The following MMP2 variants were observed in gnomAD, a reference collection of about 807,000 sequenced individuals.
The protein encoded by MMP2 is matrix metallopeptidase 2, also known as 72 kDa type IV collagenase.
MMP2 carries 39 observed loss-of-function variants against 74.8 expected under a neutral mutation model. That is an observed-to-expected ratio of 0.52 (90% CI 0.40 to 0.68). The LOEUF (loss-of-function observed/expected upper bound fraction) is 0.68, where lower values mean the gene tolerates loss of function less well. MMP2 is among the 30% of genes least tolerant of loss of function. The pLI, the probability that MMP2 is intolerant of heterozygous loss-of-function variation, is 0.00. For synonymous variants in MMP2, 367 were observed against 339.8 expected, an observed-to-expected ratio of 1.08 and a Z score of -0.88; for missense variants, 803 against 878.3, an observed-to-expected ratio of 0.91 and a Z score of 1.08.
In MMP2 at chr16:55,502,852, G is replaced by A. The variant is rs1489885740; in HGVS notation, c.1843G>A (p.Asp615Asn). The A allele has an allele frequency of 1.2e-6, 2 of 1,614,002 alleles. No individual in the cohort carries two copies. Among genetic ancestry groups the A allele is most frequent in the Non-Finnish European group, 1.7e-6 (2 of 1,180,032 alleles). Reference sequence around the variant, plus strand: ...CGCAGATGCCTGGAATGCCATCCCCGATAACCTGGATGCCGTCGTGGACCT... The same window carrying A: ...CGCAGATGCCTGGAATGCCATCCCCAATAACCTGGATGCCGTCGTGGACCT... The part of the protein sequence containing the change: ...LIADAWNAIP[D>N]NLDAVVDLQG... Residue 615 changes from aspartate (D) to asparagine (N), a missense_variant, in exon 12 of 13, where the codon GAT becomes AAT. Physicochemically the swap from Asp to Asn is conservative, Grantham distance 23 (BLOSUM62 1). Coordinates refer to ENST00000219070, the MANE Select transcript of MMP2 (RefSeq NM_004530.6).
At position 55,497,020 on chromosome 16, in the gene MMP2, G is replaced by C. The variant is rs761833659; in HGVS notation, c.1567G>C (p.Val523Leu). ...WPELPEKIDA[V>L]YEAPQEEKAV... ...TGAGCTCCCGGAAAAGATTGATGCG[G>C]TATACGAGGCCCCACAGGAGGAGAA... is the stretch of plus-strand genomic sequence containing the variant. Residue 523 changes from valine to leucine, a missense_variant, in exon 10 of 13, where the codon GTA becomes CTA. Coordinates refer to ENST00000219070, the MANE Select transcript of MMP2 (RefSeq NM_004530.6). 1 of 1,614,070 alleles carries C rather than the reference G, an allele frequency of 6.2e-7. No individual in the cohort carries two copies. Among genetic ancestry groups the C allele is most frequent in the Non-Finnish European group, 8.5e-7 (1 of 1,180,056 alleles).
intron 3 of MMP2, 67 bp from the exon 4 acceptor site, chr16:55,485,232 T>C (rs1224328565): frequency 2.1e-4 from 334 of 1,602,460 alleles, no homozygotes; most frequent in Non-Finnish European, 2.8e-4. Flanking sequence ...CACATGTAGA[T>C]GGGGTGTGGA....
chr16:55,488,338 G>A lies in MMP2; in HGVS notation c.833-205G>A, dbSNP rs568803749. The stretch of plus-strand genomic sequence containing the variant: ...TGTTGGGTGGTCCACAAGGTCCCAC[G>A]GGAGGGATTGGGATAACCAGGGAAG... On this transcript the variant is annotated intron_variant, in intron 5 of 12. Coordinates refer to ENST00000219070, the MANE Select transcript of MMP2 (RefSeq NM_004530.6). 73 of 603,984 alleles carry A rather than the reference G, an allele frequency of 1.2e-4. 1 individual carries two copies. Among genetic ancestry groups the A allele is most frequent in the Non-Finnish European group, 1.7e-4 (56 of 337,508 alleles). 37.4% of individuals were successfully genotyped at this position (603,984 alleles called of 1,614,324 possible).
intron 11 of MMP2, among the ~76,000 whole-genome samples, chr16:55,500,424 A>G (rs1416517987): frequency 6.6e-6 from 1 of 151,860 alleles, no homozygotes. Context: ...CATGCACTGT[A>G]TCTATGTAAA....
chr16:55,501,381 G>A (rs1446568110), intron 11 of MMP2, among the ~76,000 whole-genome samples: 2 of 152,210 alleles, frequency 1.3e-5, no homozygotes, highest in South Asian at 2.1e-4. Context: ...TGTAAAATGG[G>A]CTTGACTTCT....
intron 6 of MMP2, chr16:55,488,924 A>G: frequency 1.6e-6 from 1 of 625,832 alleles, no homozygotes; most frequent in Non-Finnish European, 2.8e-6. Context: ...CAGAACAGAC[A>G]TTGGGCATCA....
Position 55,479,366 on chromosome 16 carries a change from G to A in MMP2, c.-114G>A, listed in dbSNP as rs552672554. 294 of 1,237,896 alleles carry A rather than the reference G, an allele frequency of 2.4e-4. No individual in the cohort carries two copies. The African/African-American group carries it at 4.2e-3, about 18-fold the overall frequency. 76.7% of individuals were successfully genotyped at this position (1,237,896 alleles called of 1,614,324 possible). ...GCAAACCCCAGGCCACCGAGCCAGC[G>A]GACCCTCGGAGCGCAGCCCTGCGCC... On this transcript the variant is annotated 5_prime_UTR_variant, in exon 1 of 13. Coordinates refer to ENST00000219070, the MANE Select transcript of MMP2 (RefSeq NM_004530.6).
chr16:55,488,070 T>G, intron 5 of MMP2: 1 of 217,548 alleles, frequency 4.6e-6, no homozygotes. Context: ...CATTCACTTC[T>G]TTCATTTCTG....
At chr16:55,492,254 AG>A (rs1482382978) in intron 8 of MMP2, among the ~76,000 whole-genome samples, 3 of 152,156 alleles carry the variant, frequency 2.0e-5, no homozygotes, top group Admixed American at 1.3e-4. Context: ...AAGGTTACAC[AG>A]GTTTGAGCAA....
At chr16:55,481,647 A>G (rs1179913226) in intron 1 of MMP2, 2 of 506,006 alleles carry the variant, frequency 4.0e-6, no homozygotes, top group East Asian at 3.2e-5. Flanking sequence ...GCCTGGTTTG[A>G]ACACCTCTGA....
Position 55,485,687 on chromosome 16 carries a change from A to G in MMP2, c.742A>G (p.Thr248Ala). 1 of 1,614,160 alleles carries G rather than the reference A, an allele frequency of 6.2e-7. No homozygotes were observed. The highest frequency in any genetic ancestry group is 8.5e-7 in the Non-Finnish European group (1 of 1,180,020). ...LFNGKEYNSC[T>A]DTGRSDGFLW... ...CAATGGCAAGGAGTACAACAGCTGC[A>G]CTGATACCGGCCGCAGCGATGGCTT... Residue 248 changes from threonine to alanine, a missense_variant, in exon 5 of 13, where the codon ACT becomes GCT. Coordinates refer to ENST00000219070, the MANE Select transcript of MMP2 (RefSeq NM_004530.6).
chr16:55,482,866 T>A, intron 1 of MMP2, 43 bp from the exon 2 acceptor site: 1 of 1,551,378 alleles, frequency 6.4e-7, no homozygotes, highest in South Asian at 1.1e-5. Flanking sequence ...TACTGTGCCA[T>A]CCTAATGTGG....
intron 7 of MMP2, 58 bp from the exon 8 acceptor site, chr16:55,491,743 A>C: frequency 1.3e-6 from 2 of 1,585,352 alleles, no homozygotes; most frequent in Non-Finnish European, 1.7e-6. Context: ...TCAGGTCTTG[A>C]CTTCTCTCTC....
chr16:55,482,353 G>C (rs1962126085), intron 1 of MMP2, among the ~76,000 whole-genome samples: 1 of 152,134 alleles, frequency 6.6e-6, no homozygotes, highest in African/African-American at 2.4e-5. Flanking sequence ...CATGCACATA[G>C]TCCTTGAATC....
chr16:55,504,887 C>G (rs11863252), intron 12 of MMP2, among the ~76,000 whole-genome samples: 55,708 of 151,678 alleles, frequency 0.37, 11,170 homozygotes, highest in Non-Finnish European at 0.46. Context: ...CTCCTGACTT[C>G]GTGATCTGCC....
chr16:55,500,963 T>C (rs1392348905), intron 11 of MMP2, among the ~76,000 whole-genome samples: 2 of 152,224 alleles, frequency 1.3e-5, no homozygotes, highest in Non-Finnish European at 2.9e-5. Flanking sequence ...TGCCAGGCAC[T>C]TAGCTAGCTG....
In MMP2 at chr16:55,479,536, C is replaced by T; in HGVS notation, c.57C>T (p.Leu19=). 2 of 1,610,774 alleles carry T rather than the reference C, an allele frequency of 1.2e-6. No individual in the cohort carries two copies. The highest frequency in any genetic ancestry group is 8.5e-7 in the Non-Finnish European group (1 of 1,179,018). ...CGGGTCCCCTGAGGGCGCTCTGTCT[C>T]CTGGGCTGCCTGCTGAGCCACGCCG... The part of the protein sequence containing the change: ...ALTGPLRALC[L]LGCLLSHAAA... Residue 19 remains leucine (L), a synonymous_variant, in exon 1 of 13, where the codon CTC becomes CTT. Transcript: ENST00000219070.
At chr16:55,499,204 C>T (rs556001388) in intron 11 of MMP2, among the ~76,000 whole-genome samples, 1 of 150,914 alleles carries the variant, frequency 6.6e-6, no homozygotes, top group East Asian at 1.9e-4. Context: ...GGTTAAGTAA[C>T]CAGCTTGGAG....
chr16:55,499,766 A>G (rs1364724488), intron 11 of MMP2, among the ~76,000 whole-genome samples: 1 of 152,150 alleles, frequency 6.6e-6, no homozygotes, highest in Non-Finnish European at 1.5e-5. Flanking sequence ...TTGTATTCTA[A>G]CTGAGTACCC....
Sources: gnomAD v4.1 joint callset for allele counts (sites outside exome capture counted in the v4.1 genomes callset) on GRCh38, gnomAD v4.1.1 for gene constraint, MANE v1.5 for transcripts, NCBI Gene and HGNC (gene_info 2026-07-23, HGNC 2026-07-21) for gene names.